The following SLC39A11 variants were observed in gnomAD, a reference collection of about 807,000 sequenced individuals.
SLC39A11 encodes solute carrier family 39 member 11.
A neutral mutation model predicts 36.1 loss-of-function variants in SLC39A11; 33 were observed. The observed-to-expected ratio is 0.91, with a 90% CI of 0.69 to 1.22. SLC39A11 has a LOEUF of 1.22. Ranked by LOEUF, SLC39A11 falls within the 50% of genes most tolerant of loss-of-function variation. The probability of loss-of-function intolerance (pLI) is 0.00; values close to 1 mark genes in which losing one functional copy is unlikely to be tolerated. For synonymous variants in SLC39A11, 166 were observed against 170.3 expected, an observed-to-expected ratio of 0.97 and a Z score of 0.20; for missense variants, 432 against 430.3, an observed-to-expected ratio of 1.00 and a Z score of -0.03.
intron 5 of SLC39A11, among the ~76,000 whole-genome samples, chr17:72,864,036 A>T (rs1186930148): frequency 6.6e-6 from 1 of 152,156 alleles, no homozygotes; most frequent in Non-Finnish European, 1.5e-5. Flanking sequence ...TCAAGCAAAA[A>T]GCAACCCAAG....
At chr17:72,764,541 A>G (rs2075699725) in intron 6 of SLC39A11, among the ~76,000 whole-genome samples, 1 of 151,970 alleles carries the variant, frequency 6.6e-6, no homozygotes, top group Admixed American at 6.6e-5. Context: ...GGCCTTGTGT[A>G]CCCCTTCAGT....
intron 5 of SLC39A11, among the ~76,000 whole-genome samples, chr17:72,883,928 G>A (rs1349232942): frequency 6.6e-6 from 1 of 152,176 alleles, no homozygotes; most frequent in African/African-American, 2.4e-5. Flanking sequence ...GCTGAGACAG[G>A]TGGATTGCTT....
intron 7 of SLC39A11, chr17:72,713,074 C>T (rs2073179484): frequency 1.3e-5 from 2 of 152,386 alleles, no homozygotes; most frequent in African/African-American, 2.4e-5. Flanking sequence ...TCCTAAGAGT[C>T]CAGGTACAGG....
intron 7 of SLC39A11, among the ~76,000 whole-genome samples, chr17:72,670,860 G>A (rs2070992514): frequency 6.6e-6 from 1 of 152,196 alleles, no homozygotes; most frequent in South Asian, 2.1e-4. Context: ...TTCCCCAAGA[G>A]GTTCTGGTCC....
chr17:73,029,813 C>T (rs2058682502), intron 4 of SLC39A11, among the ~76,000 whole-genome samples: 3 of 152,158 alleles, frequency 2.0e-5, no homozygotes, highest in Non-Finnish European at 2.9e-5. Flanking sequence ...AACTCCTGGC[C>T]TCAAGTGATC....
intron 7 of SLC39A11, among the ~76,000 whole-genome samples, chr17:72,699,808 C>T (rs1198718434): frequency 1.3e-5 from 2 of 152,180 alleles, no homozygotes; most frequent in Non-Finnish European, 2.9e-5. Context: ...AACTCCACCG[C>T]ATGTGATTCA....
chr17:72,980,686 T>G (rs2148166821), intron 4 of SLC39A11, among the ~76,000 whole-genome samples: 1 of 152,276 alleles, frequency 6.6e-6, no homozygotes, highest in East Asian at 1.9e-4. Flanking sequence ...GAATAGTACC[T>G]GAAGAGGCAG....
intron 4 of SLC39A11, among the ~76,000 whole-genome samples, chr17:72,997,892 C>T (rs543176400): frequency 6.6e-6 from 1 of 152,230 alleles, no homozygotes; most frequent in African/African-American, 2.4e-5. Context: ...AGTAGTGATG[C>T]TGGGAATTTG....
At chr17:72,991,935 T>C (rs1363274730) in intron 4 of SLC39A11, among the ~76,000 whole-genome samples, 1 of 152,270 alleles carries the variant, frequency 6.6e-6, no homozygotes, top group African/African-American at 2.4e-5. Flanking sequence ...AAGATGGTTG[T>C]ATCAATTTGC....
At chr17:73,039,608 T>G (rs77633587) in intron 3 of SLC39A11, among the ~76,000 whole-genome samples, 2,183 of 152,336 alleles carry the variant, frequency 0.014, 38 homozygotes, top group East Asian at 0.062. Flanking sequence ...AGCTTCCAAA[T>G]TAAGTATTAT....
chr17:72,792,814 C>T lies in SLC39A11; in HGVS notation c.602-56095G>A, dbSNP rs141861456. ...CATCTCCTTCACCAGCTCCTCCACACACCCCACTGGAAATTAATAAGGACA... is the reference window on the plus strand; with the variant it reads ...CATCTCCTTCACCAGCTCCTCCACATACCCCACTGGAAATTAATAAGGACA... On this transcript the variant is annotated intron_variant, in intron 6 of 9. Coordinates refer to ENST00000255559, the MANE Select transcript of SLC39A11 (RefSeq NM_139177.4). 2.6e-5 allele frequency among the ~76,000 whole-genome samples: 4 copies of T among 152,276 alleles called. No individual in the cohort carries two copies. The East Asian group carries it at 7.7e-4, about 29-fold the overall frequency.
intron 6 of SLC39A11, among the ~76,000 whole-genome samples, chr17:72,816,173 G>A (rs1301719769): frequency 6.6e-6 from 1 of 152,178 alleles, no homozygotes; most frequent in East Asian, 1.9e-4. Flanking sequence ...GAAGGTGGTT[G>A]CCCAGTTGTA....
intron 5 of SLC39A11, among the ~76,000 whole-genome samples, chr17:72,945,445 C>T (rs752785422): frequency 6.6e-6 from 1 of 152,212 alleles, no homozygotes; most frequent in Non-Finnish European, 1.5e-5. Flanking sequence ...CCAGATGGTA[C>T]AAATAATGCA....
chr17:72,779,478 G>A (rs187502973), intron 6 of SLC39A11, among the ~76,000 whole-genome samples: 1 of 152,168 alleles, frequency 6.6e-6, no homozygotes, highest in African/African-American at 2.4e-5. Context: ...GGAGGGGGCT[G>A]GCTTTAGGGG....
rs926815802 is a variant in SLC39A11 at position 72,964,916 on chromosome 17, G to A, written c.307-17041C>T. ...GCACATATACACCATGGAATACTACGCAGCCATAAAAAAGGATGAGTTCAT... is the reference window on the plus strand; with the variant it reads ...GCACATATACACCATGGAATACTACACAGCCATAAAAAAGGATGAGTTCAT... On this transcript the variant is annotated intron_variant, in intron 4 of 9. Coordinates refer to ENST00000255559, the MANE Select transcript of SLC39A11 (RefSeq NM_139177.4). 9.3e-4 allele frequency among the ~76,000 whole-genome samples: 142 copies of A among 152,268 alleles called. 2 individuals carry two copies. The highest frequency in any genetic ancestry group is 3.7e-3 in the South Asian group (18 of 4,826).
chr17:72,910,623 CAA>C (rs759842114), intron 5 of SLC39A11, among the ~76,000 whole-genome samples: 1 of 50,028 alleles, frequency 2.0e-5, no homozygotes. Context: ...GACTCCGTCT[CAA>C]AAAAAAAAAA....
intron 6 of SLC39A11, among the ~76,000 whole-genome samples, chr17:72,776,610 G>GA (rs34044701): frequency 0.19 from 22,976 of 119,790 alleles, 3,261 homozygotes; most frequent in African/African-American, 0.41. Context: ...ACTTTGCATG[G>GA]AAAAAAAAAA....
chr17:73,082,162 C>T (rs1382645347), intron 3 of SLC39A11, among the ~76,000 whole-genome samples: 3 of 132,936 alleles, frequency 2.3e-5, no homozygotes, highest in Admixed American at 7.6e-5. Flanking sequence ...TAAATAAATA[C>T]CTACATACAT....
intron 4 of SLC39A11, among the ~76,000 whole-genome samples, chr17:72,969,739 G>A (rs920838265): frequency 5.9e-5 from 9 of 152,070 alleles, no homozygotes; most frequent in African/African-American, 2.2e-4. Context: ...CATCTCCCTG[G>A]TTACTAGGGA....
Sources: gnomAD v4.1 joint callset for allele counts (sites outside exome capture counted in the v4.1 genomes callset) on GRCh38, gnomAD v4.1.1 for gene constraint, MANE v1.5 for transcripts, NCBI Gene and HGNC (gene_info 2026-07-23, HGNC 2026-07-21) for gene names.